Variants in BBX observed in about 807,000 individuals in gnomAD.
BBX encodes the protein HMG box transcription factor BBX.
In BBX, 30 loss-of-function variants were observed where a neutral mutation model predicts 100.2. The observed-to-expected ratio is 0.30, with a 90% CI of 0.22 to 0.41. The LOEUF is 0.41. Among genes scored for constraint, BBX ranks in the 10% least tolerant of loss-of-function variants. BBX has a pLI of 1.00. For synonymous variants in BBX, 376 were observed against 388.1 expected (o/e 0.97, Z 0.37); for missense variants, 1,023 against 1,129.8 (o/e 0.91, Z 1.35).
intron 2 of BBX, among the ~76,000 whole-genome samples, chr3:107,580,425 A>G (rs1576376558): frequency 6.6e-6 from 1 of 152,308 alleles, no homozygotes; most frequent in Middle Eastern, 3.4e-3. Flanking sequence ...AAGCACATTC[A>G]TGTGATAATA....
intron 3 of BBX, among the ~76,000 whole-genome samples, chr3:107,709,307 A>G (rs59195827): frequency 0.014 from 2,120 of 152,292 alleles, 47 homozygotes; most frequent in African/African-American, 0.049. Context: ...GAAATAAGGA[A>G]GACAGATAAC....
chr3:107,761,938 A>ATGGTAACCCCC (rs1441760427), intron 10 of BBX, among the ~76,000 whole-genome samples: 3 of 152,054 alleles, frequency 2.0e-5, no homozygotes, highest in Admixed American at 6.5e-5. Context: ...CTTCCATCCT[A>ATGGTAACCCCC]TGGTAACCCC....
intron 12 of BBX, among the ~76,000 whole-genome samples, chr3:107,775,517 C>G (rs2067252528): frequency 6.6e-6 from 1 of 152,074 alleles, no homozygotes. Context: ...ATACTTTATA[C>G]TGGTGAGGAA....
At chr3:107,533,713 A>C (rs1307935362) in intron 2 of BBX, among the ~76,000 whole-genome samples, 1 of 152,166 alleles carries the variant, frequency 6.6e-6, no homozygotes, top group Admixed American at 6.5e-5. Context: ...AACCTGTACC[A>C]TGTTGAAAAA....
intron 3 of BBX, among the ~76,000 whole-genome samples, chr3:107,702,003 G>A (rs2061096031): frequency 1.3e-5 from 2 of 152,184 alleles, no homozygotes; most frequent in African/African-American, 4.8e-5. Flanking sequence ...GGCACGGTGG[G>A]ATTGACTATG....
In BBX at chr3:107,627,128, C is replaced by T. The variant is rs2056238270; in HGVS notation, c.-83-18708C>T. Among the ~76,000 whole-genome samples the T allele has an allele frequency of 2.6e-5, 4 of 152,152 alleles. No individual in the cohort carries two copies. The South Asian group carries it at 8.3e-4, about 31-fold the overall frequency. ...GCCCTATTCATTGTGGAAGGAAGTA[C>T]TACTAGGAAGTGAAAATTATTGGTT... On this transcript the variant is annotated intron_variant, in intron 2 of 17. Transcript: ENST00000325805.
intron 2 of BBX, among the ~76,000 whole-genome samples, chr3:107,564,602 A>G (rs1418417490): frequency 6.6e-6 from 1 of 152,178 alleles, no homozygotes; most frequent in African/African-American, 2.4e-5. Flanking sequence ...GGGGGTGGAC[A>G]GTTGTTCCAG....
chr3:107,690,997 C>T (rs1204730366), intron 3 of BBX, among the ~76,000 whole-genome samples: 4 of 146,324 alleles, frequency 2.7e-5, no homozygotes. Flanking sequence ...CCTCCTGGCT[C>T]CAAGGCTCAG....
At chr3:107,658,482 C>T (rs775440177) in intron 3 of BBX, among the ~76,000 whole-genome samples, 4 of 152,138 alleles carry the variant, frequency 2.6e-5, no homozygotes, top group Non-Finnish European at 5.9e-5. Flanking sequence ...TTCTTTCACA[C>T]TTAGTGAAAC....
chr3:107,782,787 C>G (rs894095084), intron 13 of BBX, among the ~76,000 whole-genome samples: 1 of 152,070 alleles, frequency 6.6e-6, no homozygotes, highest in South Asian at 2.1e-4. Context: ...TGCCCAAAAA[C>G]TTAAGTGGAG....
In BBX at chr3:107,523,754, A is replaced by G. The variant is rs571533293; in HGVS notation, c.-156+647A>G. 3 of 152,492 alleles carry G rather than the reference A, an allele frequency of 2.0e-5. No individual in the cohort carries two copies. The East Asian group carries it at 5.8e-4, about 30-fold the overall frequency. The allele number at this position is 152,492 out of a possible 1,614,324, so 9.4% of individuals were successfully genotyped here. On this transcript the variant is annotated intron_variant, in intron 1 of 17. Transcript: ENST00000325805. ...GAGCCAGCCTTCGGTGGATTTATTG[A>G]ACGTTTCGTCTGCGTTGGTGACCGG...
chr3:107,627,033 A>G (rs1196978249), intron 2 of BBX, among the ~76,000 whole-genome samples: 1 of 152,198 alleles, frequency 6.6e-6, no homozygotes, highest in Non-Finnish European at 1.5e-5. Context: ...AGAAGCCACA[A>G]TGTCTTGAAT....
intron 3 of BBX, among the ~76,000 whole-genome samples, chr3:107,649,993 G>A (rs1269660604): frequency 1.3e-5 from 2 of 152,096 alleles, no homozygotes; most frequent in African/African-American, 2.4e-5. Flanking sequence ...TTTAGGCAAG[G>A]TACAAGAACA....
At chr3:107,756,923 G>A (rs1236562730) in intron 10 of BBX, among the ~76,000 whole-genome samples, 1 of 152,200 alleles carries the variant, frequency 6.6e-6, no homozygotes, top group Non-Finnish European at 1.5e-5. Flanking sequence ...AGTTAGAGTT[G>A]TAAACAAATC....
intron 16 of BBX, among the ~76,000 whole-genome samples, chr3:107,800,145 G>T (rs942699910): frequency 6.6e-6 from 1 of 152,186 alleles, no homozygotes; most frequent in Non-Finnish European, 1.5e-5. Context: ...ATTCAAAGAG[G>T]TGGAAGTTTT....
intron 10 of BBX, among the ~76,000 whole-genome samples, chr3:107,756,942 C>A (rs2065523346): frequency 6.6e-6 from 1 of 152,106 alleles, no homozygotes; most frequent in African/African-American, 2.4e-5. Flanking sequence ...TCCTAGTAAA[C>A]AGACAGACTG....
intron 7 of BBX, among the ~76,000 whole-genome samples, chr3:107,737,884 G>GT (rs1156396951): frequency 0.097 from 4,723 of 48,612 alleles, 774 homozygotes; most frequent in South Asian, 0.14. Flanking sequence ...CAGAGTTCCA[G>GT]TTTTTTTTTT....
At chr3:107,683,722 A>C (rs2059689809) in intron 3 of BBX, among the ~76,000 whole-genome samples, 1 of 152,204 alleles carries the variant, frequency 6.6e-6, no homozygotes, top group African/African-American at 2.4e-5. Context: ...GTTAGAGGTC[A>C]CATTCATACA....
At chr3:107,709,843 C>T (rs1178781833) in intron 3 of BBX, among the ~76,000 whole-genome samples, 1 of 152,208 alleles carries the variant, frequency 6.6e-6, no homozygotes, top group Admixed American at 6.5e-5. Context: ...ATTTTTGTCA[C>T]GTTTATAGCT....
Sources: allele counts gnomAD v4.1 joint callset (sites outside exome capture counted in the v4.1 genomes callset), GRCh38; gene constraint gnomAD v4.1.1; transcripts MANE v1.5; gene names NCBI Gene and HGNC (gene_info 2026-07-23, HGNC 2026-07-21).